Variants in DCDC2 observed in about 807,000 individuals in gnomAD.
DCDC2 encodes the protein doublecortin domain-containing protein 2.
In DCDC2, 40 loss-of-function variants were observed where a neutral mutation model predicts 50.2. The ratio of observed to expected loss-of-function variants is 0.80; its 90% confidence interval spans 0.62 to 1.04. The LOEUF is 1.04. Ranked by LOEUF, DCDC2 falls within the 50% of genes least tolerant of loss-of-function variation. The pLI is 0.00. For synonymous variants in DCDC2, 234 were observed against 210.6 expected (o/e 1.11, Z -0.96); for missense variants, 570 against 581.9 (o/e 0.98, Z 0.21).
Position 24,241,448 on chromosome 6 carries a change from T to C in DCDC2, c.923-36346A>G, listed in dbSNP as rs754285752. ...GGTCCAATCACTCGTTTTCCTAGTA[T>C]TGTTACAGGAAGGTTTTAACAAAGA... On this transcript the variant is annotated intron_variant, in intron 7 of 9. Transcript: ENST00000378454. Among the ~76,000 whole-genome samples the C allele has an allele frequency of 7.9e-5, 12 of 152,334 alleles. No individual in the cohort carries two copies. The South Asian group carries it at 1.2e-3, about 16-fold the overall frequency.
chr6:24,207,256 TTCTCTCTC>T (rs60603298), intron 7 of DCDC2, among the ~76,000 whole-genome samples: 18 of 129,692 alleles, frequency 1.4e-4, no homozygotes, highest in Middle Eastern at 3.9e-3. Context: ...CCATCTATCT[TTCTCTCTC>T]TCTCTCTCTC....
At chr6:24,256,076 A>T (rs1762892105) in intron 7 of DCDC2, among the ~76,000 whole-genome samples, 1 of 152,234 alleles carries the variant, frequency 6.6e-6, no homozygotes, top group South Asian at 2.1e-4. Context: ...AACTATTGTT[A>T]TGGTCAACAA....
At chr6:24,230,998 G>T (rs1213404692) in intron 7 of DCDC2, among the ~76,000 whole-genome samples, 1 of 152,178 alleles carries the variant, frequency 6.6e-6, no homozygotes. Flanking sequence ...AGAGAAACTG[G>T]AAAGAGTCAC....
the DCDC2 span, among the ~76,000 whole-genome samples, chr6:24,380,402 T>A: frequency 2.3e-4 from 35 of 152,316 alleles, no homozygotes; most frequent in African/African-American, 7.5e-4. Flanking sequence ...TGAAAGTGGA[T>A]AGACCCACAG....
intron 7 of DCDC2, among the ~76,000 whole-genome samples, chr6:24,214,574 C>A (rs946486641): frequency 2.0e-5 from 3 of 152,160 alleles, no homozygotes; most frequent in Admixed American, 1.3e-4. Flanking sequence ...TTAAGTACCT[C>A]TGAGTAGGTT....
At chr6:24,220,903 CGA>C (rs1160821635) in intron 7 of DCDC2, among the ~76,000 whole-genome samples, 3 of 126,218 alleles carry the variant, frequency 2.4e-5, no homozygotes, top group Non-Finnish European at 5.5e-5. Flanking sequence ...AGCGAGCGAG[CGA>C]GAGAGTGAGC....
chr6:24,373,255 A>G, the DCDC2 span, among the ~76,000 whole-genome samples: 2 of 152,082 alleles, frequency 1.3e-5, no homozygotes, highest in Non-Finnish European at 2.9e-5. Flanking sequence ...TCCTAGGGAA[A>G]CTCCTGCACA....
the DCDC2 span, among the ~76,000 whole-genome samples, chr6:24,365,334 C>T: frequency 4.6e-5 from 7 of 152,344 alleles, no homozygotes; most frequent in Non-Finnish European, 1.0e-4. Context: ...GCTCGTCACC[C>T]AGGTTGGAGT....
chr6:24,231,431 T>C (rs1762334418), intron 7 of DCDC2, among the ~76,000 whole-genome samples: 1 of 152,162 alleles, frequency 6.6e-6, no homozygotes, highest in African/African-American at 2.4e-5. Flanking sequence ...GCTGACTCTT[T>C]CTCTGGAAAA....
chr6:24,362,529 T>G (rs1760687484), upstream of DCDC2, among the ~76,000 whole-genome samples: 1 of 149,262 alleles, frequency 6.7e-6, no homozygotes, highest in South Asian at 2.1e-4. Context: ...AATTGTATAT[T>G]TATACAATTA....
intron 2 of DCDC2, among the ~76,000 whole-genome samples, chr6:24,331,151 C>T (rs969276600): frequency 2.0e-5 from 3 of 152,100 alleles, no homozygotes; most frequent in East Asian, 1.9e-4. Flanking sequence ...AACTGGAAGA[C>T]GGGAAGAGAA....
At chr6:24,339,270 T>C (rs1054695160) in intron 2 of DCDC2, among the ~76,000 whole-genome samples, 5 of 152,056 alleles carry the variant, frequency 3.3e-5, no homozygotes, top group African/African-American at 1.2e-4. Context: ...TGGCTTATGG[T>C]AGCCATCCTT....
chr6:24,315,104 T>A (rs1759637445), intron 2 of DCDC2, among the ~76,000 whole-genome samples: 1 of 151,954 alleles, frequency 6.6e-6, no homozygotes, highest in African/African-American at 2.4e-5. Context: ...ACTAGTGGAA[T>A]ACACTTTGAT....
rs1445603811 is a variant in DCDC2, at chr6:24,301,832, C to G, written c.440G>C (p.Gly147Ala). 1.2e-6 allele frequency: 2 copies of G among 1,614,010 alleles called. No homozygotes were observed. Among genetic ancestry groups the G allele is most frequent in the Non-Finnish European group, 1.7e-6 (2 of 1,180,040 alleles). Residue 147 changes from glycine to alanine, a missense_variant, in exon 4 of 10, where the codon GGA becomes GCA. Transcript: ENST00000378454. ...GCGAGAAGCTGGGTTTATGAGGTCT[C>G]CATTTGCAATCAAGCTGGAAAACAG... ...EPCTIFLIANGDLINPASRLL... is the reference protein window; with the variant it reads ...EPCTIFLIANADLINPASRLL...
In DCDC2 at chr6:24,290,956, T is replaced by G; in HGVS notation, c.680A>C (p.Lys227Thr). Residue 227 changes from lysine to threonine, a missense_variant, in exon 5 of 10, where the codon AAG becomes ACG. Physicochemically the swap from Lys to Thr is moderately conservative, Grantham distance 78. Transcript: ENST00000378454. ...KLPYSELLFD[K>T]STMRRPFGQK... is the part of the protein sequence containing the mutation. ...CCCAAAAGGCCTTCTCATCGTTGAC[T>G]TGTCAAAAAGTAACTCACTGTAAGG... is the stretch of plus-strand genomic sequence containing the variant. The G allele has an allele frequency of 6.2e-7, 1 of 1,613,802 alleles. No homozygotes were observed. Among genetic ancestry groups the G allele is most frequent in the Non-Finnish European group, 8.5e-7 (1 of 1,179,926 alleles).
At chr6:24,381,959 A>AAGGAAGGAAG in the DCDC2 span, among the ~76,000 whole-genome samples, 76 of 103,698 alleles carry the variant, frequency 7.3e-4, 2 homozygotes, top group African/African-American at 1.6e-3. Context: ...AAGGAAAGAA[A>AAGGAAGGAAG]GAAGGAAGGA....
chr6:24,201,220 A>T (rs1222683373), intron 8 of DCDC2, among the ~76,000 whole-genome samples: 1 of 152,138 alleles, frequency 6.6e-6, no homozygotes, highest in Admixed American at 6.6e-5. Context: ...GCACCACATC[A>T]CACTTATTCT....
At chr6:24,270,168 T>G (rs1763208666) in intron 7 of DCDC2, among the ~76,000 whole-genome samples, 1 of 152,094 alleles carries the variant, frequency 6.6e-6, no homozygotes, top group South Asian at 2.1e-4. Flanking sequence ...CACAGGCACA[T>G]CCACCTCTTA....
chr6:24,317,640 T>C (rs897802667), intron 2 of DCDC2, among the ~76,000 whole-genome samples: 1 of 151,988 alleles, frequency 6.6e-6, no homozygotes, highest in Non-Finnish European at 1.5e-5. Flanking sequence ...CTGGATAAAT[T>C]TGACTAACAT....
Sources: gnomAD v4.1 joint callset for allele counts (sites outside exome capture counted in the v4.1 genomes callset) on GRCh38, gnomAD v4.1.1 for gene constraint, MANE v1.5 for transcripts, NCBI Gene and HGNC (gene_info 2026-07-23, HGNC 2026-07-21) for gene names.